LRP5: variants seen among roughly 807,000 people sequenced by gnomAD.
LRP5 encodes LDL receptor related protein 5.
In LRP5, 62 loss-of-function variants were observed where a neutral mutation model predicts 154.1. The ratio of observed to expected loss-of-function variants is 0.40; its 90% CI spans 0.33 to 0.50. The LOEUF (loss-of-function observed/expected upper bound fraction) is 0.50. Ranked by LOEUF, LRP5 falls within the 20% of genes least tolerant of loss-of-function variation. The pLI is 0.55. For missense variants in LRP5, 1,915 were observed against 2,336.7 expected, an observed-to-expected ratio of 0.82 and a Z score of 3.72; for synonymous variants, 966 against 1,011.5, an observed-to-expected ratio of 0.96 and a Z score of 0.85.
intron 6 of LRP5, among the ~76,000 whole-genome samples, chr11:68,389,535 C>T (rs2098645131): frequency 6.6e-6 from 1 of 152,058 alleles, no homozygotes; most frequent in Non-Finnish European, 1.5e-5. Flanking sequence ...CCAGCATTTA[C>T]CAACACCGAT....
chr11:68,388,714 G>A (rs2098644399), intron 6 of LRP5, among the ~76,000 whole-genome samples: 1 of 152,156 alleles, frequency 6.6e-6, no homozygotes, highest in African/African-American at 2.4e-5. Context: ...CAGATGTGAG[G>A]CTGCCCCAGA....
At chr11:68,395,846 C>T (rs1168234965) in intron 7 of LRP5, among the ~76,000 whole-genome samples, 1 of 152,100 alleles carries the variant, frequency 6.6e-6, no homozygotes, top group African/African-American at 2.4e-5. Context: ...GTCTTTTCCT[C>T]CTGCAAGTGG....
At chr11:68,396,125 TG>T in intron 7 of LRP5, among the ~76,000 whole-genome samples, 1 of 152,110 alleles carries the variant, frequency 6.6e-6, no homozygotes, top group South Asian at 2.1e-4. Context: ...CTGGGGACTC[TG>T]GGGACAGCTG....
chr11:68,361,358 C>G (rs566659963), intron 3 of LRP5, among the ~76,000 whole-genome samples: 2 of 142,492 alleles, frequency 1.4e-5, no homozygotes, highest in East Asian at 4.2e-4. Flanking sequence ...AAAGTAAGGC[C>G]GGGCGTGGTG....
chr11:68,316,795 T>G (rs1160108748), intron 1 of LRP5, among the ~76,000 whole-genome samples: 1 of 151,930 alleles, frequency 6.6e-6, no homozygotes, highest in Non-Finnish European at 1.5e-5. Flanking sequence ...TGGGGACAAG[T>G]TGGGGAGTCA....
chr11:68,360,046 C>T (rs1325955961), intron 3 of LRP5, among the ~76,000 whole-genome samples: 2 of 152,144 alleles, frequency 1.3e-5, no homozygotes, highest in Non-Finnish European at 2.9e-5. Flanking sequence ...ACCTGAGCCT[C>T]TCAAAGTGCT....
Position 68,413,994 on chromosome 11 carries a change from A to G in LRP5, c.2809A>G (p.Ser937Gly), listed in dbSNP as rs1166278919. ...GCASHYTLDP[S>G]SRNCSPPTTF... ...CGCCTCACACTACACCCTGGACCCC[A>G]GCAGCCGCAACTGCAGCCGTAAGTG... The change falls in exon 12 of 23, where the codon AGC (serine) becomes GGC (glycine). Residue 937 changes from serine to glycine, a missense_variant. Around this residue, in one of 3 missense-constraint regions of LRP5, gnomAD observed 1,094 missense variants for 1,210.1 expected, o/e 0.90. Coordinates refer to ENST00000294304, the MANE Select transcript of LRP5 (RefSeq NM_002335.4). This position sits in a 1 kb window ranked among gnomAD's most constrained non-coding sequence, Gnocchi z 5.1. 1 of 1,603,928 alleles carries G rather than the reference A, an allele frequency of 6.2e-7. No homozygotes were observed. Among genetic ancestry groups the G allele is most frequent in the South Asian group, 1.1e-5 (1 of 91,074 alleles).
At chr11:68,424,033 C>T (rs1200989123) in intron 14 of LRP5, among the ~76,000 whole-genome samples, 1 of 152,224 alleles carries the variant, frequency 6.6e-6, no homozygotes, top group Non-Finnish European at 1.5e-5. Context: ...CCTGTTGACT[C>T]GCTCCTGTTC....
At position 68,312,748 on chromosome 11, in the gene LRP5, CTG is replaced by C; in HGVS notation, c.35_36del (p.Leu12ProfsTer139). The C allele has an allele frequency of 6.4e-6, 5 of 784,826 alleles. No individual in the cohort carries two copies. The South Asian group carries it at 1.1e-4, about 18-fold the overall frequency. 48.6% of individuals were successfully genotyped at this position (784,826 alleles called of 1,614,324 possible). A position where few individuals can be genotyped will look rare whatever the true frequency, so the allele number is the denominator to read the frequency against. On this transcript the variant is annotated frameshift_variant, in exon 1 of 23. Coordinates refer to ENST00000294304, the MANE Select transcript of LRP5 (RefSeq NM_002335.4). LOFTEE classifies it high-confidence loss of function. ...EAAPPGPPWPLLLLLLLLLAL... is the reference protein window; with the variant it reads ...EAAPPGPPWPXLLLLLLLLAL... ...AGCGCCGCCCGGGCCGCCGTGGCCG[CTG>C]CTGCTGCTGCTGCTGCTGCTGCTGG...
Position 68,367,785 on chromosome 11 carries a change from C to T in LRP5, c.1015+2083C>T, listed in dbSNP as rs529633103. Among the ~76,000 whole-genome samples, 10 of 152,266 alleles carry T rather than the reference C, an allele frequency of 6.6e-5. 1 individual carries two copies. Among genetic ancestry groups the T allele is most frequent in the Admixed American group, 4.6e-4 (7 of 15,298 alleles). On this transcript the variant is annotated intron_variant, in intron 5 of 22. Coordinates refer to ENST00000294304, the MANE Select transcript of LRP5 (RefSeq NM_002335.4). ...AAGGTGTAAAACAGGCAGCTCGGGC[C>T]GGGCGCAGTGGCTCACGCCTGTAAT...
At chr11:68,360,265 C>T in intron 3 of LRP5, among the ~76,000 whole-genome samples, 1 of 152,226 alleles carries the variant, frequency 6.6e-6, no homozygotes, top group East Asian at 1.9e-4. Flanking sequence ...CATGTGTCCA[C>T]CTCGGCCTCT....
intron 17 of LRP5, among the ~76,000 whole-genome samples, chr11:68,430,125 T>G (rs2098671093): frequency 6.6e-6 from 1 of 152,032 alleles, no homozygotes; most frequent in Admixed American, 6.6e-5. Flanking sequence ...ATGTGTTGGG[T>G]GTGGTGTTTT....
chr11:68,342,257 T>A (rs1195117084), intron 1 of LRP5, among the ~76,000 whole-genome samples: 2 of 152,036 alleles, frequency 1.3e-5, no homozygotes, highest in Admixed American at 6.6e-5. Context: ...TCTCTCTCCC[T>A]CCCGTCGGGT....
chr11:68,394,044 A>G (rs993302694), intron 7 of LRP5, among the ~76,000 whole-genome samples: 1 of 152,132 alleles, frequency 6.6e-6, no homozygotes, highest in African/African-American at 2.4e-5. Context: ...CCCACAGCCG[A>G]CCAAGCTCCA....
chr11:68,358,219 G>A (rs749530601), intron 3 of LRP5, among the ~76,000 whole-genome samples: 15 of 151,856 alleles, frequency 9.9e-5, no homozygotes, highest in Non-Finnish European at 2.1e-4. Flanking sequence ...AGGCTCAAGC[G>A]ATCCTCCCGC....
chr11:68,412,657 G>A (rs77855017), intron 11 of LRP5, among the ~76,000 whole-genome samples: 1 of 150,496 alleles, frequency 6.6e-6, no homozygotes, highest in Non-Finnish European at 1.5e-5. Flanking sequence ...AAAAAAAAAA[G>A]AAGAAGAAAA....
intron 3 of LRP5, among the ~76,000 whole-genome samples, chr11:68,362,838 C>T (rs1290563257): frequency 2.6e-5 from 4 of 152,244 alleles, no homozygotes; most frequent in African/African-American, 9.6e-5. Context: ...TCATGAGTGT[C>T]ACCCTCTCCT....
At chr11:68,431,629 A>G (rs2098671963) in intron 17 of LRP5, among the ~76,000 whole-genome samples, 1 of 151,960 alleles carries the variant, frequency 6.6e-6, no homozygotes, top group Admixed American at 6.6e-5. Context: ...GTGCTGCCTC[A>G]CACCTCGAGT....
At chr11:68,432,687 A>G (rs2153177933) in intron 17 of LRP5, among the ~76,000 whole-genome samples, 1 of 152,364 alleles carries the variant, frequency 6.6e-6, no homozygotes, top group South Asian at 2.1e-4. Flanking sequence ...TCCTGAGGCC[A>G]GCCTCTGTTT....
Sources: gnomAD v4.1 joint callset for allele counts (sites outside exome capture counted in the v4.1 genomes callset) on GRCh38, gnomAD v4.1.1 for gene constraint, gnomAD v4.1.1 regional missense constraint, Gnocchi (gnomAD v3.1) non-coding constraint, MANE v1.5 for transcripts, NCBI Gene and HGNC (gene_info 2026-07-23, HGNC 2026-07-21) for gene names.